GRM1: variants seen among roughly 807,000 people sequenced by gnomAD.
GRM1 encodes the protein metabotropic glutamate receptor 1.
Under a neutral mutation model 90.9 loss-of-function variants are expected in GRM1, and 33 were observed. The observed-to-expected ratio is 0.36, with a 90% CI of 0.28 to 0.49. The LOEUF (loss-of-function observed/expected upper bound fraction) is 0.49, where lower values mean the gene tolerates loss of function less well. Among genes scored for constraint, GRM1 ranks in the 20% least tolerant of loss-of-function variants. The pLI is 0.99. For missense variants in GRM1, 1,190 were observed against 1,534.3 expected (o/e 0.78, Z 3.75); for synonymous variants, 700 against 613.2 (o/e 1.14, Z -2.09).
At chr6:146,420,335 T>G (rs954545144) in intron 7 of GRM1, among the ~76,000 whole-genome samples, 2 of 152,096 alleles carry the variant, frequency 1.3e-5, no homozygotes, top group African/African-American at 4.8e-5. Context: ...AATAGAAAAA[T>G]CTTTAAAAAG....
At position 146,159,635 on chromosome 6, in the gene GRM1, TCTCTCTCA is replaced by T. The variant is rs757267252; in HGVS notation, c.950+40_950+47del. 5.5e-4 allele frequency: 704 copies of T among 1,287,502 alleles called. 3 individuals carry two copies. The highest frequency in any genetic ancestry group is 6.9e-4 in the Non-Finnish European group (636 of 925,216). The allele number at this position is 1,287,502 out of a possible 1,614,324, so 79.8% of individuals were successfully genotyped here. A position where few individuals can be genotyped will look rare whatever the true frequency, so the allele number is the denominator to read the frequency against. On this transcript the variant is annotated intron_variant, in intron 2 of 7. Transcript: ENST00000282753. Reference sequence around the variant, plus strand: ...CTCTCTCTCTCTCTCTCTCTCTCTCTCTCTCTCACACACACACATGCACACACACACTT... The same window carrying T: ...CTCTCTCTCTCTCTCTCTCTCTCTCTCACACACACATGCACACACACACTT...
At chr6:146,262,155 G>A (rs1781718039) in intron 2 of GRM1, among the ~76,000 whole-genome samples, 1 of 151,066 alleles carries the variant, frequency 6.6e-6, no homozygotes, top group African/African-American at 2.4e-5. Context: ...TATGATAGAA[G>A]AAAATGTAAA....
intron 1 of GRM1, among the ~76,000 whole-genome samples, chr6:146,083,994 C>G (rs1406411899): frequency 1.3e-5 from 2 of 152,174 alleles, no homozygotes; most frequent in Non-Finnish European, 2.9e-5. Context: ...TTATCCATTT[C>G]TTCTAGAGTT....
chr6:146,182,345 C>A (rs527343737), intron 2 of GRM1, among the ~76,000 whole-genome samples: 11 of 152,192 alleles, frequency 7.2e-5, no homozygotes, highest in African/African-American at 2.6e-4. Flanking sequence ...GAATTCTAAA[C>A]GACAGGTGGA....
chr6:146,197,815 A>C lies in GRM1; in HGVS notation c.950+38218A>C, dbSNP rs150134396. On this transcript the variant is annotated intron_variant, in intron 2 of 7. Transcript: ENST00000282753. ...TTTTAAGGAGGTATCTGTAATAGTC[A>C]AGCTCATAGAAGCAGAGAATACAGT... is the stretch of plus-strand genomic sequence containing the variant. Among the ~76,000 whole-genome samples the C allele has an allele frequency of 1.3e-3, 204 of 152,360 alleles. 1 individual carries two copies. Among genetic ancestry groups the C allele is most frequent in the African/African-American group, 4.7e-3 (196 of 41,578 alleles).
chr6:146,081,503 A>T (rs887803246), intron 1 of GRM1, among the ~76,000 whole-genome samples: 1 of 152,176 alleles, frequency 6.6e-6, no homozygotes, highest in Non-Finnish European at 1.5e-5. Flanking sequence ...TGTCACGGCA[A>T]GAGTGGAAGC....
chr6:146,405,183 A>G (rs1347995397), intron 7 of GRM1, among the ~76,000 whole-genome samples: 1 of 152,182 alleles, frequency 6.6e-6, no homozygotes, highest in East Asian at 1.9e-4. Context: ...GGTATCCATA[A>G]GATTCTTAGA....
intron 2 of GRM1, among the ~76,000 whole-genome samples, chr6:146,221,023 A>C (rs1043567089): frequency 1.6e-4 from 25 of 151,962 alleles, no homozygotes; most frequent in Non-Finnish European, 1.8e-4. Flanking sequence ...AAATCTACTG[A>C]AACCAGGTAA....
At chr6:146,207,270 C>G (rs961198520) in intron 2 of GRM1, among the ~76,000 whole-genome samples, 22 of 152,134 alleles carry the variant, frequency 1.4e-4, no homozygotes, top group African/African-American at 4.8e-4. Context: ...AATTTACACT[C>G]CCACCAACAG....
chr6:146,254,493 C>T (rs1781416962), intron 2 of GRM1, among the ~76,000 whole-genome samples: 1 of 152,074 alleles, frequency 6.6e-6, no homozygotes, highest in South Asian at 2.1e-4. Context: ...AAATTGATGA[C>T]TTTTGACGTG....
intron 5 of GRM1, among the ~76,000 whole-genome samples, chr6:146,361,810 A>G (rs891130909): frequency 2.6e-5 from 4 of 152,378 alleles, no homozygotes; most frequent in Admixed American, 1.3e-4. Context: ...TTGTTCAACT[A>G]TCTTTCATTA....
intron 2 of GRM1, among the ~76,000 whole-genome samples, chr6:146,236,053 C>G (rs950218444): frequency 3.9e-5 from 6 of 151,904 alleles, no homozygotes; most frequent in East Asian, 1.9e-4. Flanking sequence ...TTTAGGCAGG[C>G]CTTTATTAAT....
At position 146,352,491 on chromosome 6, in the gene GRM1, T is replaced by C; in HGVS notation, c.1428T>C (p.Pro476=). 1.2e-6 allele frequency: 2 copies of C among 1,613,750 alleles called. No individual in the cohort carries two copies. The highest frequency in any genetic ancestry group is 1.7e-6 in the Non-Finnish European group (2 of 1,179,818). The change falls in exon 4 of 8, where the codon CCT becomes CCC. Residue 476 remains proline, a synonymous_variant. Transcript: ENST00000282753. ...EVWFDEKGDA[P]GRYDIMNLQY... ...GGTTTGATGAGAAAGGAGACGCTCC[T>C]GGAAGGTAATCTTTTCAGTAATCAA...
At chr6:146,174,874 G>T (rs1233830088) in intron 2 of GRM1, among the ~76,000 whole-genome samples, 1 of 152,194 alleles carries the variant, frequency 6.6e-6, no homozygotes, top group Non-Finnish European at 1.5e-5. Context: ...CTTTGCCATT[G>T]CCATGGCTCA....
chr6:146,285,408 A>T (rs1345929402), intron 2 of GRM1, among the ~76,000 whole-genome samples: 2 of 152,196 alleles, frequency 1.3e-5, no homozygotes, highest in Non-Finnish European at 2.9e-5. Flanking sequence ...TCTCAGAGTG[A>T]CAAACACCGT....
At chr6:146,062,399 G>T (rs973626539) in intron 1 of GRM1, among the ~76,000 whole-genome samples, 1 of 151,826 alleles carries the variant, frequency 6.6e-6, no homozygotes, top group Non-Finnish European at 1.5e-5. Context: ...TGTAGATGAT[G>T]GGTTGATGGG....
chr6:146,134,698 T>A (rs547052096), intron 1 of GRM1, among the ~76,000 whole-genome samples: 3 of 152,126 alleles, frequency 2.0e-5, no homozygotes, highest in African/African-American at 4.8e-5. Context: ...TGGGAGGCCA[T>A]GGCGGGTGGA....
chr6:146,232,158 T>C (rs7341260), intron 2 of GRM1, among the ~76,000 whole-genome samples: 33,427 of 152,000 alleles, frequency 0.22, 7,566 homozygotes, highest in African/African-American at 0.58. Flanking sequence ...TATTAGTTTG[T>C]TAGGGCTGGC....
chr6:146,235,701 CGTGT>C (rs71028383), intron 2 of GRM1, among the ~76,000 whole-genome samples: 3,462 of 102,740 alleles, frequency 0.034, 46 homozygotes, highest in East Asian at 0.073. Flanking sequence ...TCTCTGTTAC[CGTGT>C]GTGTGTGTGT....
Sources: allele counts gnomAD v4.1 joint callset (sites outside exome capture counted in the v4.1 genomes callset), GRCh38; gene constraint gnomAD v4.1.1; transcripts MANE v1.5; gene names NCBI Gene and HGNC (gene_info 2026-07-23, HGNC 2026-07-21).